The following PDE3B variants were observed in gnomAD, a reference collection of about 807,000 sequenced individuals.
PDE3B encodes the protein cGMP-inhibited 3',5'-cyclic phosphodiesterase 3B.
Under a neutral mutation model 116.8 loss-of-function variants are expected in PDE3B, and 66 were observed. The observed-to-expected ratio is 0.56, with a 90% CI of 0.46 to 0.69. The LOEUF is 0.69. PDE3B is among the 30% of genes least tolerant of loss of function. The probability of loss-of-function intolerance (pLI) is 0.00; values close to 1 mark genes in which losing one functional copy is unlikely to be tolerated. For synonymous variants in PDE3B, 595 were observed against 533.6 expected, an observed-to-expected ratio of 1.12 and a Z score of -1.59; for missense variants, 1,384 against 1,368.1, an observed-to-expected ratio of 1.01 and a Z score of -0.18.
intron 7 of PDE3B, among the ~76,000 whole-genome samples, chr11:14,822,171 A>G (rs1291534673): frequency 2.6e-5 from 4 of 152,130 alleles, no homozygotes; most frequent in African/African-American, 7.2e-5. Flanking sequence ...CCAAAGCACT[A>G]GGATTATAGG....
In PDE3B at chr11:14,832,802, T is replaced by A; in HGVS notation, c.2175T>A (p.Arg725=). Residue 725 remains arginine (R), a synonymous_variant, in exon 10 of 16, where the codon CGT becomes CGA. Transcript: ENST00000282096. ...IPTQQFMNYF[R]ALENGYRDIP... is the part of the protein sequence containing the mutation. ...CTCAACAATTTATGAACTATTTTCG[T>A]GCATTAGAAAATGGCTATCGAGACA... is the stretch of plus-strand genomic sequence containing the variant. 1.3e-6 allele frequency: 2 copies of A among 1,523,956 alleles called. No individual in the cohort carries two copies. Among genetic ancestry groups the A allele is most frequent in the Non-Finnish European group, 1.8e-6 (2 of 1,109,026 alleles). 94.4% of individuals were successfully genotyped at this position (1,523,956 alleles called of 1,614,324 possible). A position where few individuals can be genotyped will look rare whatever the true frequency, so the allele number is the denominator to read the frequency against.
intron 7 of PDE3B, among the ~76,000 whole-genome samples, chr11:14,827,828 A>G (rs1859746415): frequency 6.6e-6 from 1 of 152,220 alleles, no homozygotes. Context: ...TAAAATTCAT[A>G]TGGAACCAAA....
intron 5 of PDE3B, among the ~76,000 whole-genome samples, chr11:14,806,786 G>A (rs1858942345): frequency 6.9e-6 from 1 of 144,946 alleles, no homozygotes; most frequent in Non-Finnish European, 1.5e-5. Context: ...ATGAACCCGG[G>A]AGGCGGAGCT....
intron 1 of PDE3B, among the ~76,000 whole-genome samples, chr11:14,742,484 C>G (rs914269029): frequency 1.3e-5 from 2 of 152,190 alleles, no homozygotes; most frequent in Non-Finnish European, 2.9e-5. Flanking sequence ...AGCAATTCAT[C>G]TAACCTTTTT....
intron 14 of PDE3B, among the ~76,000 whole-genome samples, chr11:14,862,777 T>C (rs1273299598): frequency 6.6e-6 from 1 of 152,202 alleles, no homozygotes; most frequent in African/African-American, 2.4e-5. Flanking sequence ...TTTCACCATG[T>C]TGGTCAGGCT....
downstream of PDE3B, among the ~76,000 whole-genome samples, chr11:14,875,009 G>A (rs1022330063): frequency 2.6e-5 from 4 of 152,052 alleles, no homozygotes; most frequent in Non-Finnish European, 5.9e-5. Flanking sequence ...ATCCCAGGTA[G>A]GAGCACCACC....
Position 14,869,938 on chromosome 11 carries a change from T to C in PDE3B, c.*278T>C, listed in dbSNP as rs1263136133. ...ATCCTTCACTGGTGTATGAATACTTTGTCATAATGCTGCTTTGCTGGGTAG... is the reference window on the plus strand; with the variant it reads ...ATCCTTCACTGGTGTATGAATACTTCGTCATAATGCTGCTTTGCTGGGTAG... On this transcript the variant is annotated 3_prime_UTR_variant, in exon 16 of 16. Transcript: ENST00000282096. 1.5e-5 allele frequency: 4 copies of C among 263,052 alleles called. No homozygotes were observed. The highest frequency in any genetic ancestry group is 2.9e-5 in the Non-Finnish European group (4 of 140,244). The allele number at this position is 263,052 out of a possible 1,614,324, so 16.3% of individuals were successfully genotyped here.
chr11:14,644,681 C>G lies in PDE3B; in HGVS notation c.606C>G (p.Ser202Arg). The G allele has an allele frequency of 6.7e-7, 1 of 1,502,044 alleles. No individual in the cohort carries two copies. Among genetic ancestry groups the G allele is most frequent in the Non-Finnish European group, 8.9e-7 (1 of 1,128,656 alleles). 93.0% of individuals were successfully genotyped at this position (1,502,044 alleles called of 1,614,324 possible). Residue 202 changes from serine (S) to arginine (R), a missense_variant, in exon 1 of 16, where the codon AGC (serine) becomes AGG (arginine). By Grantham distance (110) the Ser-to-Arg change is moderately radical. Transcript: ENST00000282096. The part of the protein sequence containing the change: ...AAAGRLLLVL[S>R]CVGLLLTLAH... Reference sequence around the variant, plus strand: ...CGGGCAGGTTGCTGCTGGTGCTGAGCTGCGTAGGGCTGCTGCTGACGCTCG... The same window carrying G: ...CGGGCAGGTTGCTGCTGGTGCTGAGGTGCGTAGGGCTGCTGCTGACGCTCG...
At chr11:14,781,002 G>T (rs1294417659) in intron 2 of PDE3B, among the ~76,000 whole-genome samples, 1 of 152,082 alleles carries the variant, frequency 6.6e-6, no homozygotes, top group Non-Finnish European at 1.5e-5. Flanking sequence ...ATCCTACAGA[G>T]ATACAAACTA....
chr11:14,688,830 T>C (rs1172186036), intron 1 of PDE3B, among the ~76,000 whole-genome samples: 3 of 152,168 alleles, frequency 2.0e-5, no homozygotes, highest in Non-Finnish European at 4.4e-5. Flanking sequence ...TGCAGTGCAG[T>C]GGCATGATCT....
Position 14,786,799 on chromosome 11 carries a change from A to G in PDE3B, c.1278+114A>G, listed in dbSNP as rs553628916. 10 of 771,872 alleles carry G rather than the reference A, an allele frequency of 1.3e-5. No homozygotes were observed. The Admixed American group carries it at 1.6e-4, about 13-fold the overall frequency. 47.8% of individuals were successfully genotyped at this position (771,872 alleles called of 1,614,324 possible). ...ATTTTCGTTTCAAGGATCAGACATA[A>G]TATTGAGCTGCTTGGGATGTTAGAG... is the stretch of plus-strand genomic sequence containing the variant. On this transcript the variant is annotated intron_variant, in intron 3 of 15. Coordinates refer to ENST00000282096, the MANE Select transcript of PDE3B (RefSeq NM_000922.4).
intron 1 of PDE3B, among the ~76,000 whole-genome samples, chr11:14,664,669 GA>G (rs1356178797): frequency 5.3e-5 from 8 of 152,312 alleles, no homozygotes; most frequent in Admixed American, 2.0e-4. Context: ...AAATCTAGAA[GA>G]AAGGGATAAA....
chr11:14,880,709 T>C, the PDE3B span: 64 of 1,597,678 alleles, frequency 4.0e-5, no homozygotes, highest in Non-Finnish European at 5.4e-5. Context: ...TATCGAAAAC[T>C]GTTTACAGCT....
At chr11:14,738,621 C>T (rs1856667780) in intron 1 of PDE3B, among the ~76,000 whole-genome samples, 1 of 152,190 alleles carries the variant, frequency 6.6e-6, no homozygotes, top group Non-Finnish European at 1.5e-5. Flanking sequence ...TCCCATTTGT[C>T]AATTTTGGCT....
At chr11:14,659,664 G>A (rs745876282) in intron 1 of PDE3B, among the ~76,000 whole-genome samples, 13 of 152,178 alleles carry the variant, frequency 8.5e-5, no homozygotes, top group South Asian at 2.1e-4. Flanking sequence ...CTCCCACTCC[G>A]GTAGGCCCCA....
At chr11:14,665,876 C>A (rs1004047479) in intron 1 of PDE3B, among the ~76,000 whole-genome samples, 5 of 152,118 alleles carry the variant, frequency 3.3e-5, no homozygotes, top group African/African-American at 1.2e-4. Context: ...TTTATAGATT[C>A]AATGCCATCC....
chr11:14,895,763 C>G, the PDE3B span, among the ~76,000 whole-genome samples: 2 of 152,206 alleles, frequency 1.3e-5, no homozygotes, highest in African/African-American at 4.8e-5. Context: ...ATTGAACATT[C>G]CCTATAACAG....
rs201545023 is a variant in PDE3B, at chr11:14,869,488, G to A, written c.3167G>A (p.Arg1056Gln). 333 of 1,613,040 alleles carry A rather than the reference G, an allele frequency of 2.1e-4. No homozygotes were observed. Among genetic ancestry groups the A allele is most frequent in the Non-Finnish European group, 2.6e-4 (308 of 1,179,730 alleles). Residue 1056 changes from arginine (R) to glutamine (Q), a missense_variant, in exon 16 of 16, where the codon CGA becomes CAA. This residue lies in a region of PDE3B where 428 missense variants were observed against 561.4 expected (regional missense o/e 0.76). Coordinates refer to ENST00000282096, the MANE Select transcript of PDE3B (RefSeq NM_000922.4). Reference sequence around the variant, plus strand: ...CCACCAAGAAGGAAAAGCAGACGGCGAATATTTTGTCAGCTAATGCACCAC... The same window carrying A: ...CCACCAAGAAGGAAAAGCAGACGGCAAATATTTTGTCAGCTAATGCACCAC... ...PKPPRRKSRRRIFCQLMHHLT... is the reference protein window; with the variant it reads ...PKPPRRKSRRQIFCQLMHHLT...
Position 14,813,521 on chromosome 11 carries a change from A to G in PDE3B, c.1523-4662A>G, listed in dbSNP as rs563219987. 3.9e-5 allele frequency among the ~76,000 whole-genome samples: 6 copies of G among 152,254 alleles called. No individual in the cohort carries two copies. The South Asian group carries it at 1.2e-3, about 32-fold the overall frequency. Reference sequence around the variant, plus strand: ...GGACTTAGCCGTGTGTGACTCCTGTAATGACAAGAACCCTTGTCATTACAT... The same window carrying G: ...GGACTTAGCCGTGTGTGACTCCTGTGATGACAAGAACCCTTGTCATTACAT... On this transcript the variant is annotated intron_variant, in intron 5 of 15. Coordinates refer to ENST00000282096, the MANE Select transcript of PDE3B (RefSeq NM_000922.4).
Sources: allele counts gnomAD v4.1 joint callset (sites outside exome capture counted in the v4.1 genomes callset), GRCh38; gene constraint gnomAD v4.1.1; regional missense constraint gnomAD v4.1.1; transcripts MANE v1.5; gene names NCBI Gene and HGNC (gene_info 2026-07-23, HGNC 2026-07-21).